Variants in MGARP observed in about 807,000 individuals in gnomAD.
MGARP encodes mitochondria localized glutamic acid rich protein, also known as protein MGARP.
In MGARP, 12 loss-of-function variants were observed where a neutral mutation model predicts 11.0. That is an observed-to-expected ratio of 1.09 (90% CI 0.70 to 1.77). The LOEUF is 1.77. MGARP is among the 40% of genes most tolerant of loss of function. The probability of loss-of-function intolerance (pLI) is 0.00; values close to 1 mark genes in which losing one functional copy is unlikely to be tolerated. For missense variants in MGARP, 283 were observed against 297.8 expected, an observed-to-expected ratio of 0.95 and a Z score of 0.36; for synonymous variants, 110 against 115.4, an observed-to-expected ratio of 0.95 and a Z score of 0.30.
rs370604553 is a variant in MGARP, at chr4:139,272,878, G to T, written c.186+2411C>A. Among the ~76,000 whole-genome samples, 70 of 151,792 alleles carry T rather than the reference G, an allele frequency of 4.6e-4. No homozygotes were observed. The East Asian group carries it at 0.011, about 25-fold the overall frequency. ...TTTTTGTATTTTTAGTAGAAATGGG[G>T]TTTCACCATTTCTTGACCAGGCTGG... On this transcript the variant is annotated intron_variant, in intron 2 of 3. Transcript: ENST00000398955.
chr4:139,276,683 A>G (rs1231391625), intron 1 of MGARP, among the ~76,000 whole-genome samples: 2 of 152,056 alleles, frequency 1.3e-5, no homozygotes, highest in Non-Finnish European at 2.9e-5. Context: ...CCATCTCTAC[A>G]AAAAAATTTT....
chr4:139,269,296 T>C (rs1450290911), intron 2 of MGARP, among the ~76,000 whole-genome samples: 1 of 152,174 alleles, frequency 6.6e-6, no homozygotes, highest in Non-Finnish European at 1.5e-5. Flanking sequence ...TGAAAACCTG[T>C]ACACAAATGT....
At chr4:139,270,607 T>TAAAAA (rs1744765049) in intron 2 of MGARP, among the ~76,000 whole-genome samples, 1 of 66,898 alleles carries the variant, frequency 1.5e-5, no homozygotes, top group Non-Finnish European at 2.8e-5. Flanking sequence ...AGACCGCGTC[T>TAAAAA]GAAAAAAAAA....
chr4:139,278,583 C>CGTGTGT (rs150505211), intron 1 of MGARP, among the ~76,000 whole-genome samples: 6 of 150,790 alleles, frequency 4.0e-5, no homozygotes, highest in Non-Finnish European at 7.4e-5. Flanking sequence ...AAAAGGTGCG[C>CGTGTGT]GTGTGTGTGT....
intron 2 of MGARP, among the ~76,000 whole-genome samples, chr4:139,271,657 A>G (rs944007705): frequency 1.3e-5 from 2 of 152,196 alleles, no homozygotes; most frequent in African/African-American, 4.8e-5. Context: ...AATCTAATAT[A>G]GAGATTATTT....
intron 1 of MGARP, among the ~76,000 whole-genome samples, chr4:139,279,241 T>A (rs1744918112): frequency 6.6e-6 from 1 of 152,210 alleles, no homozygotes; most frequent in African/African-American, 2.4e-5. Context: ...TCACACCTAT[T>A]AAGCACCTAC....
chr4:139,268,330 A>T (rs1744727882), intron 3 of MGARP, among the ~76,000 whole-genome samples: 1 of 152,260 alleles, frequency 6.6e-6, no homozygotes, highest in African/African-American at 2.4e-5. Flanking sequence ...ATAATTTGTT[A>T]TATTATTATT....
In MGARP at chr4:139,266,725, G is replaced by T. The variant is rs200394077; in HGVS notation, c.597C>A (p.Asn199Lys). ...TIDNDKDTTK[N>K]ETSDEYAELE... ...GTTCAGCATATTCATCAGAGGTTTC[G>T]TTCTTTGTTGTATCTTTATCATTAT... is the stretch of plus-strand genomic sequence containing the variant. Residue 199 changes from asparagine (N) to lysine (K), a missense_variant, in exon 4 of 4, where the codon AAC (asparagine) becomes AAA (lysine). Transcript: ENST00000398955. 7.4e-6 allele frequency: 12 copies of T among 1,613,958 alleles called. No individual in the cohort carries two copies. The African/African-American group carries it at 1.3e-4, about 18-fold the overall frequency.
intron 2 of MGARP, among the ~76,000 whole-genome samples, chr4:139,272,672 C>T (rs1050785333): frequency 1.4e-5 from 2 of 146,026 alleles, no homozygotes; most frequent in African/African-American, 2.5e-5. Context: ...CTAAACATCT[C>T]TTTATTCATA....
intron 1 of MGARP, among the ~76,000 whole-genome samples, chr4:139,275,756 G>A (rs574383832): frequency 2.3e-4 from 35 of 152,152 alleles, no homozygotes; most frequent in Non-Finnish European, 4.4e-4. Flanking sequence ...AGGATTCAGT[G>A]AAAATATTAT....
chr4:139,268,321 T>C (rs1744727845), intron 3 of MGARP, among the ~76,000 whole-genome samples: 1 of 152,254 alleles, frequency 6.6e-6, no homozygotes, highest in African/African-American at 2.4e-5. Flanking sequence ...AACTGAAAGA[T>C]AATTTGTTAT....
chr4:139,279,431 T>C (rs925203951), intron 1 of MGARP, among the ~76,000 whole-genome samples: 2 of 152,180 alleles, frequency 1.3e-5, no homozygotes, highest in Non-Finnish European at 2.9e-5. Context: ...CAGGACGACG[T>C]GCAACCTCAA....
chr4:139,266,700 G>C lies in MGARP; in HGVS notation c.622C>G (p.Leu208Val), dbSNP rs1353910626. The C allele has an allele frequency of 6.2e-7, 1 of 1,614,082 alleles. No homozygotes were observed. The highest frequency in any genetic ancestry group is 8.5e-7 in the Non-Finnish European group (1 of 1,180,008). The change falls in exon 4 of 4, where the codon CTA (leucine) becomes GTA (valine). Residue 208 changes from leucine (L) to valine (V), a missense_variant. By Grantham distance (32) the Leu-to-Val change is conservative. Transcript: ENST00000398955. ...TCAGCTGGAGAATTTTCTTCTTCTAGTTCAGCATATTCATCAGAGGTTTCG... is the reference window on the plus strand; with the variant it reads ...TCAGCTGGAGAATTTTCTTCTTCTACTTCAGCATATTCATCAGAGGTTTCG... ...KNETSDEYAE[L>V]EEENSPAESE... is the part of the protein sequence containing the mutation.
chr4:139,269,175 A>T (rs905741879), intron 2 of MGARP, among the ~76,000 whole-genome samples: 1 of 152,224 alleles, frequency 6.6e-6, no homozygotes, highest in African/African-American at 2.4e-5. Flanking sequence ...GCCAAAGATA[A>T]CTAAAAACAA....
intron 1 of MGARP, among the ~76,000 whole-genome samples, chr4:139,279,139 AG>A (rs1426472132): frequency 2.0e-5 from 3 of 152,112 alleles, no homozygotes; most frequent in Non-Finnish European, 2.9e-5. Flanking sequence ...TGGAAGAGAG[AG>A]GGGTGACGGA....
intron 1 of MGARP, among the ~76,000 whole-genome samples, chr4:139,278,059 C>G (rs1744898258): frequency 6.6e-6 from 1 of 152,068 alleles, no homozygotes; most frequent in African/African-American, 2.4e-5. Context: ...GAAACCCCAT[C>G]TCTACTAAAA....
chr4:139,279,439 C>T (rs949127457), intron 1 of MGARP, among the ~76,000 whole-genome samples: 2 of 152,184 alleles, frequency 1.3e-5, no homozygotes, highest in African/African-American at 4.8e-5. Flanking sequence ...CGTGCAACCT[C>T]AAAGGAAAGT....
At chr4:139,268,124 G>C (rs1744723865) in intron 3 of MGARP, among the ~76,000 whole-genome samples, 1 of 149,196 alleles carries the variant, frequency 6.7e-6, no homozygotes, top group African/African-American at 2.5e-5. Context: ...GGAGGGAAGG[G>C]GGAAAGGAAG....
At chr4:139,271,805 C>T (rs2110731117) in intron 2 of MGARP, among the ~76,000 whole-genome samples, 1 of 152,216 alleles carries the variant, frequency 6.6e-6, no homozygotes, top group East Asian at 1.9e-4. Flanking sequence ...ATCACATAAA[C>T]TTAGAAATGG....
Sources: gnomAD v4.1 joint callset for allele counts (sites outside exome capture counted in the v4.1 genomes callset) on GRCh38, gnomAD v4.1.1 for gene constraint, MANE v1.5 for transcripts, NCBI Gene and HGNC (gene_info 2026-07-23, HGNC 2026-07-21) for gene names.